Variants in PNKP observed in about 807,000 individuals in gnomAD.
The protein encoded by PNKP is polynucleotide kinase 3'-phosphatase.
A neutral mutation model predicts 66.2 loss-of-function variants in PNKP; 82 were observed. That is an observed-to-expected ratio of 1.24 (90% CI 1.04 to 1.49). The LOEUF is 1.49. Among genes scored for constraint, PNKP ranks in the 40% most tolerant of loss-of-function variants. The pLI is 0.00. For missense variants in PNKP, 907 were observed against 706.8 expected, an observed-to-expected ratio of 1.28 and a Z score of -3.21; for synonymous variants, 412 against 298.9, an observed-to-expected ratio of 1.38 and a Z score of -3.90.
In PNKP at chr19:49,867,509, G is replaced by C; in HGVS notation, c.-54C>G. On this transcript the variant is annotated 5_prime_UTR_variant, in exon 1 of 17. Transcript: ENST00000322344. Reference sequence around the variant, plus strand: ...GGGCTCACGGCCACTTCCGACCAGGGAGGTCCTGCCCGAGGTGCCCCGCCT... The same window carrying C: ...GGGCTCACGGCCACTTCCGACCAGGCAGGTCCTGCCCGAGGTGCCCCGCCT... 4.5e-6 allele frequency: 2 copies of C among 441,904 alleles called. No individual in the cohort carries two copies. 27.4% of individuals were successfully genotyped at this position (441,904 alleles called of 1,614,324 possible).
chr19:49,865,105 C>T, intron 4 of PNKP, 22 bp downstream of exon 4: 1 of 1,608,784 alleles, frequency 6.2e-7, no homozygotes, highest in South Asian at 1.1e-5. Flanking sequence ...GCGGCTCCCT[C>T]AGCCCTCGGC....
chr19:49,861,960 A>G, intron 13 of PNKP, 79 bp from the exon 14 acceptor site: 6 of 1,588,160 alleles, frequency 3.8e-6, no homozygotes, highest in Non-Finnish European at 5.2e-6. Flanking sequence ...GGAGGCAATG[A>G]TGGAGGAAAG....
Position 49,861,504 on chromosome 19 carries a change from C to T in PNKP, c.1393G>A (p.Glu465Lys), listed in dbSNP as rs1490864164. 5.0e-6 allele frequency: 8 copies of T among 1,612,726 alleles called. No individual in the cohort carries two copies. The highest frequency in any genetic ancestry group is 1.3e-5 in the African/African-American group (1 of 74,512). The change falls in exon 16 of 17, where the codon GAG (glutamate) becomes AAG (lysine). Residue 465 changes from glutamate (E) to lysine (K), a missense_variant. By Grantham distance (56) the Glu-to-Lys change is moderately conservative. Transcript: ENST00000322344. ...EQARHNNRFREMTDSSHIPVS... is the reference protein window; with the variant it reads ...EQARHNNRFRKMTDSSHIPVS... ...GGGATATGAGAGGAGTCCGTCATCT[C>T]TCGAAACTGTGGGGAACATCAGAGG...
At chr19:49,866,325 C>T (rs2074820261) in intron 3 of PNKP, 74 bp downstream of exon 3, 2 of 1,377,984 alleles carry the variant, frequency 1.5e-6, no homozygotes, top group African/African-American at 2.8e-5. Context: ...TAATGTACCC[C>T]TTCACTGACG....
At chr19:49,862,967 T>C in intron 8 of PNKP, 1 of 603,154 alleles carries the variant, frequency 1.7e-6, no homozygotes, top group Non-Finnish European at 3.0e-6. Flanking sequence ...CCTCCTCCCG[T>C]TCCCCACGCG....
In PNKP at chr19:49,861,351, G is replaced by A. The variant is rs140090526; in HGVS notation, c.1463C>T (p.Ala488Val). 1.9e-6 allele frequency: 3 copies of A among 1,614,162 alleles called. No homozygotes were observed. Among genetic ancestry groups the A allele is most frequent in the African/African-American group, 2.7e-5 (2 of 75,058 alleles). The change falls in exon 17 of 17, where the codon GCC becomes GTC. Residue 488 changes from alanine to valine, a missense_variant. Physicochemically the swap from Ala to Val is moderately conservative, Grantham distance 64 (BLOSUM62 0). Coordinates refer to ENST00000322344, the MANE Select transcript of PNKP (RefSeq NM_007254.4). The stretch of plus-strand genomic sequence containing the variant: ...AGAGAAGCCTTCAGCCAGCGTTGGG[G>A]CCTCGAACTGCTTCCTGGCAGTGGT... ...VMYGYRKQFE[A>V]PTLAEGFSAI...
rs771239062 is a variant in PNKP, at chr19:49,862,607, G to C, written c.867C>G (p.Asp289Glu). ...ISIGDSIFVG[D>E]AAGRPANWAP... ...CCCAGTTGGCCGGGCGTCCGGCTGC[G>C]TCTGGAACACACGGGACACCCCGTT... The change falls in exon 10 of 17, where the codon GAC becomes GAG. Residue 289 changes from aspartate to glutamate, a missense_variant and splice_region_variant. Coordinates refer to ENST00000322344, the MANE Select transcript of PNKP (RefSeq NM_007254.4). 7 of 1,613,722 alleles carry C rather than the reference G, an allele frequency of 4.3e-6. No homozygotes were observed. Among genetic ancestry groups the C allele is most frequent in the African/African-American group, 1.3e-5 (1 of 74,912 alleles).
In PNKP at chr19:49,862,271, G is replaced by C. The variant is rs756594496; in HGVS notation, c.1040C>G (p.Ser347Cys). The C allele has an allele frequency of 6.2e-7, 1 of 1,600,432 alleles. No individual in the cohort carries two copies. Among genetic ancestry groups the C allele is most frequent in the Non-Finnish European group, 8.5e-7 (1 of 1,173,914 alleles). ...GGGGAGGCAGAGAGGCCCTGAGCGGGAGACAGTCCTCTGCGAGGGGCGGGG... is the reference window on the plus strand; with the variant it reads ...GGGGAGGCAGAGAGGCCCTGAGCGGCAGACAGTCCTCTGCGAGGGGCGGGG... ...ELPAFDPRTV[S>C]RSGPLCLPES... The change falls in exon 12 of 17, where the codon TCC (serine) becomes TGC (cysteine). Residue 347 changes from serine (S) to cysteine (C), a missense_variant. By Grantham distance (112) the Ser-to-Cys change is moderately radical. Transcript: ENST00000322344.
rs377241372 is a variant in PNKP, at chr19:49,862,742, C to G, written c.817-4G>C. On this transcript the variant is annotated splice_polypyrimidine_tract_variant and splice_region_variant and intron_variant, in intron 8 of 16. Transcript: ENST00000322344. ...ATATGGGCGTGCCGTCGTTGGCCTA[C>G]GGGAGACGGTAGTGAGGAGGCCCTT... 1.2e-6 allele frequency: 2 copies of G among 1,613,948 alleles called. No individual in the cohort carries two copies. The highest frequency in any genetic ancestry group is 2.2e-5 in the East Asian group (1 of 44,880).
In PNKP at chr19:49,865,311, C is replaced by T. The variant is rs535302504; in HGVS notation, c.314G>A (p.Arg105His). ...LVNGLHPLTL[R>H]WEETRTPESQ... ...TTCTGGTGTGCGGGTCTCTTCCCAG[C>T]GCAGGGTCAGTGGGTGGAGGCCATT... Residue 105 changes from arginine to histidine, a missense_variant, in exon 4 of 17, where the codon CGC (arginine) becomes CAC (histidine). Physicochemically the swap from Arg to His is conservative, Grantham distance 29. Coordinates refer to ENST00000322344, the MANE Select transcript of PNKP (RefSeq NM_007254.4). The T allele has an allele frequency of 1.9e-5, 31 of 1,614,194 alleles. No individual in the cohort carries two copies. Among genetic ancestry groups the T allele is most frequent in the Non-Finnish European group, 2.5e-5 (29 of 1,180,020 alleles).
chr19:49,863,932 C>G (rs763640691), intron 7 of PNKP, 32 bp downstream of exon 7: 2 of 1,549,398 alleles, frequency 1.3e-6, no homozygotes, highest in African/African-American at 2.7e-5. Context: ...TCTGTGCCCC[C>G]ACATAGCTCC....
intron 2 of PNKP, 23 bp from the exon 3 acceptor site, chr19:49,866,468 C>A (rs1191630781): frequency 3.7e-6 from 6 of 1,612,906 alleles, no homozygotes; most frequent in Non-Finnish European, 5.1e-6. Context: ...GGGGTGGAGT[C>A]AGGATTTGCA....
chr19:49,862,407 C>A lies in PNKP; in HGVS notation c.993G>T (p.Trp331Cys). 1 of 1,545,860 alleles carries A rather than the reference C, an allele frequency of 6.5e-7. No homozygotes were observed. The highest frequency in any genetic ancestry group is 8.7e-7 in the Non-Finnish European group (1 of 1,144,348). Residue 331 changes from tryptophan (W) to cysteine (C), a missense_variant, in exon 11 of 17, where the codon TGG (tryptophan) becomes TGT (cysteine). Transcript: ENST00000322344. ...FATPEEFFLK[W>C]PAAGFELPAF... ...CTGGGAGCTCGAAGCCGGCTGCTGG[C>A]CACTTGAGAAAGAACTCCTCAGGCG...
At chr19:49,866,749 T>A (rs1480444994) in intron 2 of PNKP, 2 of 591,676 alleles carry the variant, frequency 3.4e-6, no homozygotes, top group Non-Finnish European at 6.0e-6. Context: ...TAGCGACATT[T>A]ACTTTTCTCC....
Position 49,861,765 on chromosome 19 carries a change from A to ACGCTACCTGGCGCGAG in PNKP, c.1298+6_1298+7insCTCGCGCCAGGTAGCG. ...GCAGGCCACCTACGGCCCCGCGGTCACGCTACCTGGCGCGGCTCGCGGCGT... is the reference window on the plus strand; with the variant it reads ...GCAGGCCACCTACGGCCCCGCGGTCACGCTACCTGGCGCGAGCGCTACCTGGCGCGGCTCGCGGCGT... On this transcript the variant is annotated splice_region_variant and intron_variant, in intron 14 of 16. Transcript: ENST00000322344. The ACGCTACCTGGCGCGAG allele has an allele frequency of 6.4e-7, 1 of 1,566,764 alleles. No individual in the cohort carries two copies. The highest frequency in any genetic ancestry group is 8.6e-7 in the Non-Finnish European group (1 of 1,156,518).
At position 49,867,211 on chromosome 19, in the gene PNKP, T is replaced by A. The variant is rs369053276; in HGVS notation, c.-7A>T. On this transcript the variant is annotated 5_prime_UTR_variant, in exon 2 of 17. Coordinates refer to ENST00000322344, the MANE Select transcript of PNKP (RefSeq NM_007254.4). The stretch of plus-strand genomic sequence containing the variant: ...GGGCCTCCACCTCGCCCATCCTGGG[T>A]GCCGGCCTGGGGAGCAGGTAAACGG... 3 of 1,608,916 alleles carry A rather than the reference T, an allele frequency of 1.9e-6. No individual in the cohort carries two copies. Among genetic ancestry groups the A allele is most frequent in the Non-Finnish European group, 2.5e-6 (3 of 1,178,048 alleles).
At position 49,861,242 on chromosome 19, in the gene PNKP, CG is replaced by C; in HGVS notation, c.*5del. Reference sequence around the variant, plus strand: ...GCGTTTATTGTGGAGGGGAGCTGGGCGGGGCTCAGCCCTCGGAGAACTGGCA... The same window carrying C: ...GCGTTTATTGTGGAGGGGAGCTGGGCGGGCTCAGCCCTCGGAGAACTGGCA... On this transcript the variant is annotated 3_prime_UTR_variant, in exon 17 of 17. Coordinates refer to ENST00000322344, the MANE Select transcript of PNKP (RefSeq NM_007254.4). 6.4e-7 allele frequency: 1 copy of C among 1,555,184 alleles called. No individual in the cohort carries two copies. The highest frequency in any genetic ancestry group is 8.9e-7 in the Non-Finnish European group (1 of 1,126,670).
Position 49,862,705 on chromosome 19 carries a change from T to C in PNKP, c.850A>G (p.Ser284Gly). 6.2e-7 allele frequency: 1 copy of C among 1,614,092 alleles called. No individual in the cohort carries two copies. The highest frequency in any genetic ancestry group is 8.5e-7 in the Non-Finnish European group (1 of 1,179,970). The change falls in exon 9 of 17, where the codon AGC becomes GGC. Residue 284 changes from serine (S) to glycine (G), a missense_variant. By Grantham distance (56) the Ser-to-Gly change is moderately conservative. Transcript: ENST00000322344. Reference protein sequence around the residue: ...NDGTPISIGDSIFVGDAAGRP... With the variant: ...NDGTPISIGDGIFVGDAAGRP... ...AGGCCCTTACCTCCCACAAAGATGC[T>C]GTCCCCGATGGATATGGGCGTGCCG...
chr19:49,861,579 C>T (rs1568658484), intron 15 of PNKP, 29 bp downstream of exon 15: 17 of 1,486,342 alleles, frequency 1.1e-5, no homozygotes, highest in South Asian at 3.6e-5. Context: ...GGGTGCAGCC[C>T]GGGGGGTGTC....
Sources: gnomAD v4.1 joint callset for allele counts on GRCh38, gnomAD v4.1.1 for gene constraint, MANE v1.5 for transcripts, NCBI Gene and HGNC (gene_info 2026-07-23, HGNC 2026-07-21) for gene names.